The following LCLAT1 variants were observed in gnomAD, a reference collection of about 807,000 sequenced individuals.
LCLAT1 encodes the protein 1-AGP acyltransferase 8.
A neutral mutation model predicts 30.7 loss-of-function variants in LCLAT1; 11 were observed. The ratio of observed to expected loss-of-function variants is 0.36; its 90% CI spans 0.23 to 0.59. The LOEUF (loss-of-function observed/expected upper bound fraction) is 0.59. Ranked by LOEUF, LCLAT1 falls within the 20% of genes least tolerant of loss-of-function variation. The probability of loss-of-function intolerance (pLI) is 0.77; values close to 1 mark genes in which losing one functional copy is unlikely to be tolerated. For synonymous variants in LCLAT1, 155 were observed against 151.3 expected (o/e 1.02, Z -0.18); for missense variants, 402 against 458.6 (o/e 0.88, Z 1.13).
intron 1 of LCLAT1, among the ~76,000 whole-genome samples, chr2:30,462,203 T>C (rs1558452403): frequency 6.6e-6 from 1 of 152,232 alleles, no homozygotes; most frequent in Non-Finnish European, 1.5e-5. Context: ...AAATTAATGC[T>C]GTCCCAGTCT....
At chr2:30,581,723 T>C (rs905455915) in intron 5 of LCLAT1, among the ~76,000 whole-genome samples, 4 of 151,826 alleles carry the variant, frequency 2.6e-5, no homozygotes, top group Admixed American at 2.6e-4. Context: ...CTCATAGGAG[T>C]AGAGAGTAGA....
intron 3 of LCLAT1, among the ~76,000 whole-genome samples, chr2:30,549,917 T>C (rs10205934): frequency 0.58 from 88,181 of 152,046 alleles, 26,766 homozygotes; most frequent in Non-Finnish European, 0.68. Flanking sequence ...GTGTAATGAA[T>C]ACCAGGCAGG....
intron 3 of LCLAT1, among the ~76,000 whole-genome samples, chr2:30,547,679 C>T (rs1285095316): frequency 1.3e-5 from 2 of 151,878 alleles, no homozygotes; most frequent in Non-Finnish European, 2.9e-5. Flanking sequence ...GCAGGCATTC[C>T]CTCAAAGAGG....
chr2:30,603,335 C>G (rs563686663), intron 5 of LCLAT1, among the ~76,000 whole-genome samples: 1 of 152,110 alleles, frequency 6.6e-6, no homozygotes, highest in Admixed American at 6.6e-5. Context: ...AAAGACAGAT[C>G]ATAATCATCA....
chr2:30,598,538 T>A (rs1425015084), intron 5 of LCLAT1, among the ~76,000 whole-genome samples: 2 of 152,134 alleles, frequency 1.3e-5, no homozygotes, highest in African/African-American at 4.8e-5. Flanking sequence ...TCTTCTCTTT[T>A]TTCTTCTTGA....
intron 5 of LCLAT1, among the ~76,000 whole-genome samples, chr2:30,628,299 A>C (rs571139541): frequency 3.3e-5 from 5 of 152,362 alleles, no homozygotes; most frequent in Non-Finnish European, 7.3e-5. Context: ...GAAAAAGCAT[A>C]CCATTTTCTT....
chr2:30,617,360 G>A (rs1668041442), intron 5 of LCLAT1, among the ~76,000 whole-genome samples: 1 of 152,178 alleles, frequency 6.6e-6, no homozygotes, highest in African/African-American at 2.4e-5. Flanking sequence ...GCATGAATCT[G>A]TAGTTTATTC....
Position 30,640,537 on chromosome 2 carries a change from T to C in LCLAT1, c.1049T>C (p.Phe350Ser). Residue 350 changes from phenylalanine to serine, a missense_variant, in exon 6 of 6, where the codon TTT becomes TCT. Transcript: ENST00000379509. ...ATCTTTGTGCTGCAAGAGAGAATATTTGGTGGACTGGAGATCATAGAACTT... is the reference window on the plus strand; with the variant it reads ...ATCTTTGTGCTGCAAGAGAGAATATCTGGTGGACTGGAGATCATAGAACTT... The part of the protein sequence containing the change: ...IVIFVLQERI[F>S]GGLEIIELAC... 6.2e-7 allele frequency: 1 copy of C among 1,614,164 alleles called. No homozygotes were observed. The highest frequency in any genetic ancestry group is 1.1e-5 in the South Asian group (1 of 91,072).
intron 5 of LCLAT1, among the ~76,000 whole-genome samples, chr2:30,570,879 A>G (rs1019602779): frequency 2.0e-5 from 3 of 152,114 alleles, no homozygotes; most frequent in African/African-American, 7.2e-5. Context: ...GGCAACTCTC[A>G]TTTCTGGGGG....
chr2:30,469,574 CTTTTTTT>C (rs199634493), intron 1 of LCLAT1, among the ~76,000 whole-genome samples: 6 of 103,838 alleles, frequency 5.8e-5, no homozygotes, highest in Non-Finnish European at 9.5e-5. Flanking sequence ...CAGGTCTCTT[CTTTTTTT>C]TTTTTTTTTT....
chr2:30,561,059 A>G (rs1397202115), intron 3 of LCLAT1, among the ~76,000 whole-genome samples: 1 of 152,074 alleles, frequency 6.6e-6, no homozygotes, highest in African/African-American at 2.4e-5. Context: ...CTCCTGCCTC[A>G]GCCTCCTGAG....
chr2:30,548,001 G>A (rs550195688), intron 3 of LCLAT1, among the ~76,000 whole-genome samples: 3 of 152,028 alleles, frequency 2.0e-5, no homozygotes, highest in Non-Finnish European at 4.4e-5. Flanking sequence ...ACATATTTTA[G>A]TTCTGTTGCC....
chr2:30,516,863 C>CA (rs1439905537), intron 1 of LCLAT1, among the ~76,000 whole-genome samples: 1 of 152,192 alleles, frequency 6.6e-6, no homozygotes, highest in Non-Finnish European at 1.5e-5. Context: ...ACTTAAGACT[C>CA]AGGTGTGAGG....
In LCLAT1 at chr2:30,640,457, C is replaced by A; in HGVS notation, c.969C>A (p.Cys323Ter). ...GGACCCTGTTCAGCCCTGCAATGTGCCTACTCATATATTTGTACAGTCTTG... is the reference window on the plus strand; with the variant it reads ...GGACCCTGTTCAGCCCTGCAATGTGACTACTCATATATTTGTACAGTCTTG... ...LYWTLFSPAM[C>*]LLIYLYSLVK... Residue 323 changes from cysteine (C) to a stop codon, truncating the protein, a stop_gained, in exon 6 of 6, where the codon TGC becomes TGA. Coordinates refer to ENST00000379509, the MANE Select transcript of LCLAT1 (RefSeq NM_001002257.3). LOFTEE classifies it high-confidence loss of function. 1 of 1,614,116 alleles carries A rather than the reference C, an allele frequency of 6.2e-7. No individual in the cohort carries two copies. Among genetic ancestry groups the A allele is most frequent in the Middle Eastern group, 1.6e-4 (1 of 6,062 alleles).
At chr2:30,556,005 A>C (rs1255006424) in intron 3 of LCLAT1, among the ~76,000 whole-genome samples, 1 of 152,016 alleles carries the variant, frequency 6.6e-6, no homozygotes, top group Admixed American at 6.6e-5. Context: ...CATGTTAGCC[A>C]GGATGGTCTC....
chr2:30,590,994 G>A (rs1195600297), intron 5 of LCLAT1, among the ~76,000 whole-genome samples: 4 of 152,210 alleles, frequency 2.6e-5, no homozygotes, highest in African/African-American at 9.6e-5. Context: ...TTGGAGAGCT[G>A]ATATATGTAT....
intron 5 of LCLAT1, among the ~76,000 whole-genome samples, chr2:30,601,942 AAAG>A (rs1667207616): frequency 6.6e-6 from 1 of 151,942 alleles, no homozygotes; most frequent in Admixed American, 6.6e-5. Context: ...ACAGTCCAAT[AAAG>A]AAGTAGTATA....
chr2:30,451,370 C>T (rs927649554), intron 1 of LCLAT1, among the ~76,000 whole-genome samples: 9 of 152,158 alleles, frequency 5.9e-5, no homozygotes, highest in Non-Finnish European at 1.0e-4. Flanking sequence ...TTTGTCTACT[C>T]CTACCCGTGA....
chr2:30,492,986 T>G (rs965706734), intron 1 of LCLAT1, among the ~76,000 whole-genome samples: 1 of 152,188 alleles, frequency 6.6e-6, no homozygotes, highest in African/African-American at 2.4e-5. Flanking sequence ...CACCACTACC[T>G]TATTAGCCCA....
Sources: allele counts gnomAD v4.1 joint callset (sites outside exome capture counted in the v4.1 genomes callset), GRCh38; gene constraint gnomAD v4.1.1; transcripts MANE v1.5; gene names NCBI Gene and HGNC (gene_info 2026-07-23, HGNC 2026-07-21).